The following ELAVL2 variants were observed in gnomAD, a reference collection of about 807,000 sequenced individuals.
ELAVL2 encodes ELAV like RNA binding protein 2.
ELAVL2 carries 4 observed loss-of-function variants against 34.6 expected under a neutral mutation model. The ratio of observed to expected loss-of-function variants is 0.12; its 90% CI spans 0.06 to 0.26. The LOEUF is 0.26. Ranked by LOEUF, ELAVL2 falls within the 10% of genes least tolerant of loss-of-function variation. The probability of loss-of-function intolerance (pLI) is 1.00; values close to 1 mark genes in which losing one functional copy is unlikely to be tolerated. For synonymous variants in ELAVL2, 193 were observed against 154.8 expected, an observed-to-expected ratio of 1.25 and a Z score of -1.83; for missense variants, 432 against 442.8, an observed-to-expected ratio of 0.98 and a Z score of 0.22.
chr9:23,745,446 T>A (rs2050259539), intron 2 of ELAVL2, among the ~76,000 whole-genome samples: 1 of 152,130 alleles, frequency 6.6e-6, no homozygotes. Context: ...CCTTTAGGTG[T>A]ACACAAACAT....
intron 1 of ELAVL2, among the ~76,000 whole-genome samples, chr9:23,773,857 G>A (rs891517700): frequency 3.3e-5 from 5 of 152,124 alleles, no homozygotes; most frequent in Non-Finnish European, 7.3e-5. Context: ...CAAGTGAACA[G>A]AGGGTATTAT....
At chr9:23,744,910 A>C (rs1424581699) in intron 2 of ELAVL2, among the ~76,000 whole-genome samples, 1 of 152,078 alleles carries the variant, frequency 6.6e-6, no homozygotes, top group Non-Finnish European at 1.5e-5. Context: ...TTTTAAAAAT[A>C]AACAAACCAA....
At chr9:23,844,118 C>T in the ELAVL2 span, among the ~76,000 whole-genome samples, 1 of 152,040 alleles carries the variant, frequency 6.6e-6, no homozygotes, top group Admixed American at 6.6e-5. Flanking sequence ...AGAAGCCTTC[C>T]TGAATACCAC....
chr9:23,714,984 C>G lies in ELAVL2; in HGVS notation c.334-9913G>C, dbSNP rs1344405721. On this transcript the variant is annotated intron_variant, in intron 3 of 6. Coordinates refer to ENST00000397312, the MANE Select transcript of ELAVL2 (RefSeq NM_004432.5). Reference sequence around the variant, plus strand: ...AAATACGGCCAGAGAACTAGACTGCCTCAAAGCTTCCTCCCAAGTTAACAG... The same window carrying G: ...AAATACGGCCAGAGAACTAGACTGCGTCAAAGCTTCCTCCCAAGTTAACAG... 2.0e-5 allele frequency among the ~76,000 whole-genome samples: 3 copies of G among 152,138 alleles called. No individual in the cohort carries two copies. The East Asian group carries it at 5.8e-4, about 29-fold the overall frequency.
chr9:23,730,925 T>A, intron 3 of ELAVL2, 97 bp downstream of exon 3: 1 of 1,152,390 alleles, frequency 8.7e-7, no homozygotes, highest in Admixed American at 2.5e-5. Context: ...TAACTGTTTA[T>A]ATGGGCCCAA....
chr9:23,736,109 T>A (rs1378264705), intron 2 of ELAVL2, among the ~76,000 whole-genome samples: 1 of 152,174 alleles, frequency 6.6e-6, no homozygotes, highest in Non-Finnish European at 1.5e-5. Flanking sequence ...TATTTAGTCT[T>A]TTCTATTTTA....
chr9:23,701,684 T>G, intron 4 of ELAVL2, 80 bp from the exon 5 acceptor site: 2 of 1,452,592 alleles, frequency 1.4e-6, no homozygotes, highest in Non-Finnish European at 1.9e-6. Flanking sequence ...CACATTAATT[T>G]TTCCTTCTCA....
intron 2 of ELAVL2, among the ~76,000 whole-genome samples, chr9:23,735,834 G>C (rs944843973): frequency 6.6e-6 from 1 of 152,126 alleles, no homozygotes; most frequent in Non-Finnish European, 1.5e-5. Context: ...AAGCACTCCA[G>C]AGGCCTCTGA....
At chr9:23,837,309 C>T in the ELAVL2 span, among the ~76,000 whole-genome samples, 1 of 152,176 alleles carries the variant, frequency 6.6e-6, no homozygotes, top group South Asian at 2.1e-4. Flanking sequence ...AAAGTACGCA[C>T]TGTGGCACTA....
At chr9:23,801,341 G>A (rs1347548888) in intron 1 of ELAVL2, among the ~76,000 whole-genome samples, 1 of 152,194 alleles carries the variant, frequency 6.6e-6, no homozygotes, top group East Asian at 1.9e-4. Flanking sequence ...AGCTACAAGG[G>A]ATTTCAAAAT....
chr9:23,800,849 C>T (rs1002046581), intron 1 of ELAVL2, among the ~76,000 whole-genome samples: 2 of 152,038 alleles, frequency 1.3e-5, no homozygotes, highest in African/African-American at 4.8e-5. Context: ...GGCAATGAGC[C>T]GCTTTTTAAA....
intron 1 of ELAVL2, chr9:23,779,281 AT>A (rs2058708519): frequency 1.0e-6 from 1 of 985,442 alleles, no homozygotes; most frequent in Non-Finnish European, 1.2e-6. Context: ...GTAGAATCCC[AT>A]GAAAACCTGC....
chr9:23,781,171 G>A (rs2059009800), intron 1 of ELAVL2, among the ~76,000 whole-genome samples: 1 of 152,078 alleles, frequency 6.6e-6, no homozygotes, highest in South Asian at 2.1e-4. Context: ...TAAAAGAATG[G>A]CTTATAAAAA....
At chr9:23,731,637 C>A (rs189866490) in intron 2 of ELAVL2, among the ~76,000 whole-genome samples, 2 of 152,102 alleles carry the variant, frequency 1.3e-5, no homozygotes, top group African/African-American at 4.8e-5. Context: ...CATGTGTGGG[C>A]GTGTATACAT....
intron 2 of ELAVL2, among the ~76,000 whole-genome samples, chr9:23,741,738 C>CA (rs1279439989): frequency 2.0e-5 from 3 of 151,554 alleles, no homozygotes. Flanking sequence ...CTGAACAAGA[C>CA]ACACAGATCC....
chr9:23,700,136 G>C (rs974911598), intron 5 of ELAVL2, among the ~76,000 whole-genome samples: 1 of 151,916 alleles, frequency 6.6e-6, no homozygotes, highest in African/African-American at 2.4e-5. Context: ...ATCTTATTAG[G>C]TTATATTTGT....
chr9:23,779,202 G>A, intron 1 of ELAVL2: 2 of 985,378 alleles, frequency 2.0e-6, no homozygotes, highest in Non-Finnish European at 2.4e-6. Context: ...GGAGGTAAGT[G>A]GGGAAGGAAC....
intron 1 of ELAVL2, among the ~76,000 whole-genome samples, chr9:23,763,758 G>C (rs2055593838): frequency 6.6e-6 from 1 of 152,070 alleles, no homozygotes; most frequent in African/African-American, 2.4e-5. Context: ...ACAAGAATCA[G>C]TGCTGTCATG....
the ELAVL2 span, chr9:23,847,504 C>G: frequency 1.3e-5 from 2 of 151,992 alleles, no homozygotes; most frequent in African/African-American, 4.8e-5. Flanking sequence ...TATAAGCTTT[C>G]TGCTATTTGT....
Sources: gnomAD v4.1 joint callset for allele counts (sites outside exome capture counted in the v4.1 genomes callset) on GRCh38, gnomAD v4.1.1 for gene constraint, MANE v1.5 for transcripts, NCBI Gene and HGNC (gene_info 2026-07-23, HGNC 2026-07-21) for gene names.